The following UNC13A variants were observed in gnomAD, a reference collection of about 807,000 sequenced individuals.
The protein encoded by UNC13A is unc-13 homolog A, also known as protein unc-13 homolog A.
A neutral mutation model predicts 219.7 loss-of-function variants in UNC13A; 61 were observed. The ratio of observed to expected loss-of-function variants is 0.28; its 90% CI spans 0.23 to 0.34. The LOEUF (loss-of-function observed/expected upper bound fraction) is 0.34. Ranked by LOEUF, UNC13A falls within the 10% of genes least tolerant of loss-of-function variation. UNC13A has a pLI of 1.00. For missense variants in UNC13A, 1,476 were observed against 2,270.3 expected (o/e 0.65, Z 7.11); for synonymous variants, 920 against 884.6 (o/e 1.04, Z -0.71).
chr19:17,673,661 C>T (rs2079839361), intron 3 of UNC13A, among the ~76,000 whole-genome samples: 1 of 151,852 alleles, frequency 6.6e-6, no homozygotes, highest in Non-Finnish European at 1.5e-5. Context: ...CCACTACACT[C>T]CAGCCTGGGC....
intron 6 of UNC13A, among the ~76,000 whole-genome samples, chr19:17,667,195 G>A (rs2079670998): frequency 6.6e-6 from 1 of 151,458 alleles, no homozygotes; most frequent in Non-Finnish European, 1.5e-5. Context: ...AGGTTGCAGT[G>A]AGCCAAGATC....
intron 43 of UNC13A, among the ~76,000 whole-genome samples, chr19:17,608,459 T>C (rs556914790): frequency 1.4e-3 from 194 of 139,786 alleles, no homozygotes; most frequent in African/African-American, 5.0e-3. Flanking sequence ...TATAATATAA[T>C]ATAAATACAT....
intron 11 of UNC13A, 29 bp from the exon 12 acceptor site, chr19:17,652,706 G>C: frequency 4.3e-6 from 7 of 1,613,230 alleles, no homozygotes; most frequent in Non-Finnish European, 5.9e-6. Context: ...GATATGGTCA[G>C]TGTGGCTGTC....
At chr19:17,672,981 T>G (rs967683584) in intron 3 of UNC13A, among the ~76,000 whole-genome samples, 3 of 152,142 alleles carry the variant, frequency 2.0e-5, no homozygotes, top group Non-Finnish European at 4.4e-5. Flanking sequence ...TAGACATATG[T>G]GAATTCGGGG....
rs1305230548 is a variant in UNC13A at position 17,604,815 on chromosome 19, A to G, written c.*1239T>C. On this transcript the variant is annotated 3_prime_UTR_variant, in exon 44 of 44. Transcript: ENST00000519716. ...GTGGCTTGGGTGTTTGAATCAATGA[A>G]TAGGCTCTTGGAGACTAAGCTCTCA... is the stretch of plus-strand genomic sequence containing the variant. 1.3e-5 allele frequency: 2 copies of G among 152,230 alleles called. No individual in the cohort carries two copies. The highest frequency in any genetic ancestry group is 2.9e-5 in the Non-Finnish European group (2 of 68,064). 9.4% of individuals were successfully genotyped at this position (152,230 alleles called of 1,614,324 possible). A position where few individuals can be genotyped will look rare whatever the true frequency, so the allele number is the denominator to read the frequency against.
At position 17,606,100 on chromosome 19, in the gene UNC13A, G is replaced by C. The variant is rs1282853283; in HGVS notation, c.5066C>G (p.Ser1689Trp). 3.1e-5 allele frequency: 49 copies of C among 1,595,394 alleles called. No individual in the cohort carries two copies. The highest frequency in any genetic ancestry group is 4.0e-5 in the Non-Finnish European group (47 of 1,173,230). Residue 1689 changes from serine (S) to tryptophan (W), a missense_variant, in exon 44 of 44, where the codon TCG (serine) becomes TGG (tryptophan). Physicochemically the swap from Ser to Trp is radical, Grantham distance 177. Coordinates refer to ENST00000519716, the MANE Select transcript of UNC13A (RefSeq NM_001080421.3). The part of the protein sequence containing the change: ...EVAKEFVKLK[S>W]DTRSAEEGGA... Reference sequence around the variant, plus strand: ...GCCCTCCTCGGCGGAGCGCGTGTCCGACTTGAGCTTCACGAACTCCTTGGC... The same window carrying C: ...GCCCTCCTCGGCGGAGCGCGTGTCCCACTTGAGCTTCACGAACTCCTTGGC...
At chr19:17,671,525 C>T (rs1188359899) in intron 4 of UNC13A, among the ~76,000 whole-genome samples, 1 of 152,192 alleles carries the variant, frequency 6.6e-6, no homozygotes, top group South Asian at 2.1e-4. Flanking sequence ...AATACCAGCA[C>T]TTTGGGAGGC....
Position 17,618,301 on chromosome 19 carries a change from G to A in UNC13A, c.4410+120C>T, listed in dbSNP as rs376298092. The A allele has an allele frequency of 7.8e-5, 85 of 1,091,448 alleles. 1 individual carries two copies. In the South Asian group the frequency reaches 1.0e-3, roughly 13 times the overall value. 67.6% of individuals were successfully genotyped at this position (1,091,448 alleles called of 1,614,324 possible). A position where few individuals can be genotyped will look rare whatever the true frequency, so the allele number is the denominator to read the frequency against. ...CCAGCTCTGGCACAGACAGGGGAAC[G>A]AGGGAGTGTCCATAAATTGAACAAA... On this transcript the variant is annotated intron_variant, in intron 40 of 43. Coordinates refer to ENST00000519716, the MANE Select transcript of UNC13A (RefSeq NM_001080421.3).
chr19:17,676,132 GAT>G (rs1490045362), intron 1 of UNC13A, 91 bp from the exon 2 acceptor site: 1 of 1,310,616 alleles, frequency 7.6e-7, no homozygotes, highest in African/African-American at 1.5e-5. Context: ...GACACACCAA[GAT>G]GGAGACATAA....
At chr19:17,619,336 A>G (rs1388033393) in intron 38 of UNC13A, among the ~76,000 whole-genome samples, 1 of 150,166 alleles carries the variant, frequency 6.7e-6, no homozygotes, top group African/African-American at 2.4e-5. Flanking sequence ...GAGGTTGCAG[A>G]AAATGGCTCT....
chr19:17,632,942 A>C, intron 27 of UNC13A, 34 bp from the exon 28 acceptor site: 4 of 1,613,484 alleles, frequency 2.5e-6, no homozygotes, highest in Non-Finnish European at 3.4e-6. Context: ...CACAGCTGGA[A>C]GGGTCTGCCA....
intron 5 of UNC13A, among the ~76,000 whole-genome samples, chr19:17,668,932 A>G (rs796640330): frequency 3.3e-5 from 5 of 152,240 alleles, no homozygotes; most frequent in African/African-American, 1.2e-4. Context: ...AATAGTTGGG[A>G]CTACAGAAAC....
At chr19:17,620,824 C>CAGGACCTGGGG in intron 37 of UNC13A, 102 bp from the exon 38 acceptor site, 3 of 1,368,262 alleles carry the variant, frequency 2.2e-6, no homozygotes, top group Non-Finnish European at 3.1e-6. Context: ...CTTCCCAGCC[C>CAGGACCTGGGG]AGGAGCTCCT....
At chr19:17,620,042 A>G (rs2076711226) in intron 38 of UNC13A, among the ~76,000 whole-genome samples, 1 of 152,204 alleles carries the variant, frequency 6.6e-6, no homozygotes, top group Non-Finnish European at 1.5e-5. Context: ...ATGCTAAGGG[A>G]GACGGGGTCC....
intron 1 of UNC13A, among the ~76,000 whole-genome samples, chr19:17,676,812 A>G (rs6512212): frequency 0.61 from 93,177 of 152,036 alleles, 30,639 homozygotes; most frequent in African/African-American, 0.84. Flanking sequence ...TCAGGAGTTC[A>G]AGACCAGCCT....
chr19:17,632,237 G>T (rs1178732947), intron 28 of UNC13A, among the ~76,000 whole-genome samples: 1 of 152,112 alleles, frequency 6.6e-6, no homozygotes, highest in Admixed American at 6.6e-5. Context: ...TAGAGCTGGG[G>T]TTTCGCCCTA....
Position 17,649,115 on chromosome 19 carries a change from G to T in UNC13A, c.1525-132C>A. 1 of 1,192,810 alleles carries T rather than the reference G, an allele frequency of 8.4e-7. No homozygotes were observed. The allele number at this position is 1,192,810 out of a possible 1,614,324, so 73.9% of individuals were successfully genotyped here. On this transcript the variant is annotated intron_variant, in intron 14 of 43. Transcript: ENST00000519716. The surrounding 1 kb of genome is among the most constrained non-coding windows in gnomAD (Gnocchi z 4.4). ...AACCGCAAGTTGGAAACAGGTCACC[G>T]ACAGCATCCGGGCCAGACCCAACAA...
intron 1 of UNC13A, among the ~76,000 whole-genome samples, chr19:17,676,627 A>G (rs1672070695): frequency 6.6e-6 from 1 of 152,176 alleles, no homozygotes; most frequent in Admixed American, 6.5e-5. Flanking sequence ...TGTCCAGCTC[A>G]GTCTGCAATG....
intron 37 of UNC13A, 137 bp from the exon 38 acceptor site, chr19:17,620,859 G>T: frequency 1.0e-6 from 1 of 967,628 alleles, no homozygotes. Context: ...TCTAATGGTG[G>T]GCCCCCTCCC....
Sources: gnomAD v4.1 joint callset for allele counts (sites outside exome capture counted in the v4.1 genomes callset) on GRCh38, gnomAD v4.1.1 for gene constraint, Gnocchi (gnomAD v3.1) non-coding constraint, MANE v1.5 for transcripts, NCBI Gene and HGNC (gene_info 2026-07-23, HGNC 2026-07-21) for gene names.